MYO16: variants seen among roughly 807,000 people sequenced by gnomAD.
The protein encoded by MYO16 is unconventional myosin-XVI.
In MYO16, 94 loss-of-function variants were observed where a neutral mutation model predicts 205.3. The ratio of observed to expected loss-of-function variants is 0.46; its 90% CI spans 0.39 to 0.54. The LOEUF (loss-of-function observed/expected upper bound fraction) is 0.54. Among genes scored for constraint, MYO16 ranks in the 20% least tolerant of loss-of-function variants. The probability of loss-of-function intolerance (pLI) is 0.00; values close to 1 mark genes in which losing one functional copy is unlikely to be tolerated. For missense variants in MYO16, 2,315 were observed against 2,387.5 expected, an observed-to-expected ratio of 0.97 and a Z score of 0.63; for synonymous variants, 988 against 954.0, an observed-to-expected ratio of 1.04 and a Z score of -0.66.
the MYO16 span, among the ~76,000 whole-genome samples, chr13:108,539,890 T>A: frequency 1.3e-5 from 2 of 151,878 alleles, no homozygotes; most frequent in African/African-American, 4.8e-5. Flanking sequence ...TTCCTTACTT[T>A]TTCCTTGGCT....
intron 9 of MYO16, among the ~76,000 whole-genome samples, chr13:108,837,645 C>T (rs1289773977): frequency 1.3e-5 from 2 of 152,060 alleles, no homozygotes; most frequent in Non-Finnish European, 2.9e-5. Context: ...CAGGTGGTAG[C>T]CAACTTGAAC....
intron 31 of MYO16, among the ~76,000 whole-genome samples, chr13:109,128,772 T>TAG (rs1444600573): frequency 6.9e-6 from 1 of 145,468 alleles, no homozygotes; most frequent in African/African-American, 2.7e-5. Flanking sequence ...TTTTTAGTTT[T>TAG]TTTTTTTTTT....
chr13:108,918,977 A>C (rs1281383865), intron 16 of MYO16, among the ~76,000 whole-genome samples: 1 of 36,592 alleles, frequency 2.7e-5, no homozygotes, highest in South Asian at 1.7e-3. Context: ...AAAAACTTAC[A>C]CTCAAACTTA....
Position 109,179,523 on chromosome 13 carries a change from T to A in MYO16, c.5324-19T>A. On this transcript the variant is annotated intron_variant, in intron 33 of 34. Coordinates refer to ENST00000457511, the MANE Select transcript of MYO16 (RefSeq NM_001198950.3). ...CAAGGAGACACTGCTTAACTCCCGA[T>A]TTGTGTTGACCTCAATAGGTTTACC... is the stretch of plus-strand genomic sequence containing the variant. 6.4e-7 allele frequency: 1 copy of A among 1,573,772 alleles called. No individual in the cohort carries two copies. Among genetic ancestry groups the A allele is most frequent in the South Asian group, 1.1e-5 (1 of 90,174 alleles).
chr13:109,187,229 T>C (rs751846815), intron 34 of MYO16, among the ~76,000 whole-genome samples: 2 of 152,240 alleles, frequency 1.3e-5, no homozygotes, highest in Non-Finnish European at 2.9e-5. Flanking sequence ...TTCTGGATAA[T>C]ATTCCTTGCC....
chr13:108,679,720 A>AAAT lies in MYO16; in HGVS notation c.292+13592_292+13594dup, dbSNP rs1277270279. On this transcript the variant is annotated intron_variant, in intron 2 of 34. Transcript: ENST00000457511. ...ACTGTTCTTGGTTCTGCAAAAAAAA[A>AAAT]AATAATAATAATAATAATAATAAAT... Among the ~76,000 whole-genome samples the AAAT allele has an allele frequency of 5.3e-4, 79 of 148,982 alleles. No homozygotes were observed. The Middle Eastern group carries it at 0.011, about 20-fold the overall frequency.
intron 16 of MYO16, among the ~76,000 whole-genome samples, chr13:108,957,375 C>A (rs1852072944): frequency 8.0e-6 from 1 of 125,178 alleles, no homozygotes; most frequent in Non-Finnish European, 1.7e-5. Flanking sequence ...AAGAGTGAAA[C>A]TCCATCTCAA....
intron 23 of MYO16, among the ~76,000 whole-genome samples, chr13:109,023,685 A>G (rs1428950726): frequency 9.2e-5 from 11 of 119,834 alleles, no homozygotes; most frequent in African/African-American, 3.0e-4. Flanking sequence ...ATGTATATAT[A>G]CATATATATG....
intron 32 of MYO16, among the ~76,000 whole-genome samples, chr13:109,150,332 C>T (rs1220259886): frequency 6.6e-6 from 1 of 152,148 alleles, no homozygotes; most frequent in East Asian, 1.9e-4. Flanking sequence ...CACAGCCCCT[C>T]AATAAATATT....
intron 34 of MYO16, among the ~76,000 whole-genome samples, chr13:109,196,386 C>T (rs772560303): frequency 6.6e-6 from 1 of 152,090 alleles, no homozygotes; most frequent in Non-Finnish European, 1.5e-5. Flanking sequence ...TTGTTGAAAA[C>T]CTAATAAATA....
intron 2 of MYO16, among the ~76,000 whole-genome samples, chr13:108,682,828 T>A (rs1056575698): frequency 6.6e-6 from 1 of 152,002 alleles, no homozygotes; most frequent in Non-Finnish European, 1.5e-5. Flanking sequence ...TGGGCAAGAG[T>A]CCCCTGGTTA....
Position 109,206,988 on chromosome 13 carries a change from GTGTGTGTGTGTGTGTGTT to G in MYO16, c.*169_*186del, listed in dbSNP as rs947606878. 4 of 398,626 alleles carry G rather than the reference GTGTGTGTGTGTGTGTGTT, an allele frequency of 1.0e-5. No homozygotes were observed. Among genetic ancestry groups the G allele is most frequent in the East Asian group, 5.3e-5 (1 of 18,952 alleles). 24.7% of individuals were successfully genotyped at this position (398,626 alleles called of 1,614,324 possible). A position where few individuals can be genotyped will look rare whatever the true frequency, so the allele number is the denominator to read the frequency against. On this transcript the variant is annotated 3_prime_UTR_variant, in exon 35 of 35. Transcript: ENST00000457511. ...ACAGACACTAAATATATGAGATCCC[GTGTGTGTGTGTGTGTGTT>G]TGTGTGTGTGTGTGTGGGTTCTTTC...
chr13:108,562,440 A>T, the MYO16 span, among the ~76,000 whole-genome samples: 1 of 152,196 alleles, frequency 6.6e-6, no homozygotes, highest in South Asian at 2.1e-4. Flanking sequence ...GAGTAGAAAA[A>T]GGGATGATTC....
chr13:108,960,510 T>C (rs2139364453), intron 17 of MYO16, among the ~76,000 whole-genome samples: 1 of 152,304 alleles, frequency 6.6e-6, no homozygotes, highest in Middle Eastern at 3.4e-3. Context: ...AAATCATACC[T>C]TATTATGAAA....
intron 1 of MYO16, among the ~76,000 whole-genome samples, chr13:108,643,780 GT>G (rs1322497237): frequency 6.6e-6 from 1 of 152,134 alleles, no homozygotes; most frequent in Non-Finnish European, 1.5e-5. Context: ...AAGTTTGTTT[GT>G]TTTGCATGGG....
At chr13:108,578,750 C>G in the MYO16 span, among the ~76,000 whole-genome samples, 5 of 152,210 alleles carry the variant, frequency 3.3e-5, no homozygotes, top group East Asian at 9.6e-4. Context: ...AAGAGCATTG[C>G]GACATTTTCA....
chr13:108,528,609 TCCTCCCCTCCCCTCTC>T, the MYO16 span, among the ~76,000 whole-genome samples: 20 of 5,630 alleles, frequency 3.6e-3, no homozygotes, highest in Non-Finnish European at 4.3e-3. Context: ...CCCTCTCCTC[TCCTCCCCTCCCCTCTC>T]CCCCTCCCCT....
intron 2 of MYO16, among the ~76,000 whole-genome samples, chr13:108,671,838 C>T (rs1282941521): frequency 6.6e-6 from 1 of 152,110 alleles, no homozygotes. Flanking sequence ...TTTAAGAGCA[C>T]TAATCTTATC....
the MYO16 span, among the ~76,000 whole-genome samples, chr13:108,537,169 G>A: frequency 1.3e-5 from 2 of 152,034 alleles, no homozygotes; most frequent in African/African-American, 2.4e-5. Context: ...GCATTTTGGA[G>A]TTCCCAGTAT....
Sources: gnomAD v4.1 joint callset for allele counts (sites outside exome capture counted in the v4.1 genomes callset) on GRCh38, gnomAD v4.1.1 for gene constraint, MANE v1.5 for transcripts, NCBI Gene and HGNC (gene_info 2026-07-23, HGNC 2026-07-21) for gene names.